Variants in FBLN7 observed in about 807,000 individuals in gnomAD.
FBLN7 encodes the protein fibulin 7.
In FBLN7, 31 loss-of-function variants were observed where a neutral mutation model predicts 44.0. The observed-to-expected ratio is 0.70, with a 90% CI of 0.53 to 0.95. The LOEUF (loss-of-function observed/expected upper bound fraction) is 0.95. FBLN7 is among the 40% of genes least tolerant of loss of function. The probability of loss-of-function intolerance (pLI) is 0.00; values close to 1 mark genes in which losing one functional copy is unlikely to be tolerated. For synonymous variants in FBLN7, 262 were observed against 253.4 expected (o/e 1.03, Z -0.32); for missense variants, 573 against 618.5 (o/e 0.93, Z 0.78).
chr2:112,199,969 G>A, the FBLN7 span, among the ~76,000 whole-genome samples: 5 of 152,150 alleles, frequency 3.3e-5, no homozygotes, highest in African/African-American at 7.2e-5. Context: ...GAACTTCCCA[G>A]CCTCCAGAAC....
At chr2:112,167,869 C>CATTAT (rs1553476212) in intron 3 of FBLN7, among the ~76,000 whole-genome samples, 1 of 132,826 alleles carries the variant, frequency 7.5e-6, no homozygotes. Context: ...AGGAAAGACA[C>CATTAT]GTTATGTTAT....
Position 112,175,803 on chromosome 2 carries a change from A to G in FBLN7, c.496A>G (p.Arg166Gly). The G allele has an allele frequency of 6.2e-7, 1 of 1,614,182 alleles. No individual in the cohort carries two copies. The highest frequency in any genetic ancestry group is 8.5e-7 in the Non-Finnish European group (1 of 1,180,016). ...NQYRCICPPG[R>G]TGNRCQHQAQ... ...GTACAGATGCATTTGTCCTCCAGGA[A>G]GGACTGGGAACCGCTGTCAGCATCA... The change falls in exon 4 of 8, where the codon AGG becomes GGG. Residue 166 changes from arginine (R) to glycine (G), a missense_variant. By Grantham distance (125) the Arg-to-Gly change is moderately radical. Coordinates refer to ENST00000331203, the MANE Select transcript of FBLN7 (RefSeq NM_153214.3).
chr2:112,175,922 A>G, intron 4 of FBLN7, 83 bp downstream of exon 4: 1 of 1,517,868 alleles, frequency 6.6e-7, no homozygotes, highest in East Asian at 2.3e-5. Context: ...AAATGCAGAC[A>G]TGTAGGGAGC....
the FBLN7 span, among the ~76,000 whole-genome samples, chr2:112,229,353 T>C: frequency 6.6e-6 from 1 of 152,202 alleles, no homozygotes; most frequent in Non-Finnish European, 1.5e-5. Flanking sequence ...AGAGTTACAG[T>C]TATACTCTTT....
chr2:112,242,787 T>C, the FBLN7 span, among the ~76,000 whole-genome samples: 1 of 152,216 alleles, frequency 6.6e-6, no homozygotes, highest in African/African-American at 2.4e-5. Context: ...AGCTCTCTTC[T>C]GATTAAAATT....
At chr2:112,218,360 G>GC in the FBLN7 span, among the ~76,000 whole-genome samples, 1 of 152,132 alleles carries the variant, frequency 6.6e-6, no homozygotes, top group Non-Finnish European at 1.5e-5. Context: ...TCTTCTAGTG[G>GC]AAATGCCTCT....
chr2:112,179,410 C>T (rs1240070940), intron 4 of FBLN7, among the ~76,000 whole-genome samples: 1 of 152,128 alleles, frequency 6.6e-6, no homozygotes, highest in Non-Finnish European at 1.5e-5. Flanking sequence ...AAAATGGCTA[C>T]ACTGCCCAAA....
chr2:112,178,964 C>T (rs909912823), intron 4 of FBLN7, among the ~76,000 whole-genome samples: 16 of 152,116 alleles, frequency 1.1e-4, no homozygotes, highest in Non-Finnish European at 1.8e-4. Context: ...TTCTATTCAA[C>T]GTAGTATTGG....
the FBLN7 span, among the ~76,000 whole-genome samples, chr2:112,219,712 T>A: frequency 7.9e-5 from 12 of 152,032 alleles, no homozygotes; most frequent in African/African-American, 2.9e-4. Context: ...TTTTAGAGTA[T>A]GTGTTATGTG....
At chr2:112,173,893 T>C (rs1459783218) in intron 3 of FBLN7, among the ~76,000 whole-genome samples, 2 of 152,180 alleles carry the variant, frequency 1.3e-5, no homozygotes, top group Non-Finnish European at 2.9e-5. Flanking sequence ...TGTCTAGAAA[T>C]GAATACACTG....
chr2:112,187,571 C>T lies in FBLN7; in HGVS notation c.*65C>T, dbSNP rs755707859. The T allele has an allele frequency of 4.2e-5, 66 of 1,568,854 alleles. No individual in the cohort carries two copies. The highest frequency in any genetic ancestry group is 3.0e-4 in the Admixed American group (17 of 57,344). ...TTTCTCTTCCCCGAAGGCTCAGCTTCGGGCACCGACTGCGTGGAGCCTCCC... is the reference window on the plus strand; with the variant it reads ...TTTCTCTTCCCCGAAGGCTCAGCTTTGGGCACCGACTGCGTGGAGCCTCCC... On this transcript the variant is annotated 3_prime_UTR_variant, in exon 8 of 8. Transcript: ENST00000331203. This position sits in a 1 kb window ranked among gnomAD's most constrained non-coding sequence, Gnocchi z 5.1.
chr2:112,209,975 TTG>T, the FBLN7 span, among the ~76,000 whole-genome samples: 6 of 151,750 alleles, frequency 4.0e-5, no homozygotes, highest in South Asian at 1.3e-3. Context: ...TGAGAGATGT[TTG>T]TGTGGGGAGT....
Position 112,159,685 on chromosome 2 carries a change from A to T in FBLN7, c.85A>T (p.Ser29Cys), listed in dbSNP as rs1257812992. 1 of 1,558,154 alleles carries T rather than the reference A, an allele frequency of 6.4e-7. No individual in the cohort carries two copies. Among genetic ancestry groups the T allele is most frequent in the African/African-American group, 1.4e-5 (1 of 71,642 alleles). ...PEPRASQNCLSKQQLLSAIRQ... is the reference protein window; with the variant it reads ...PEPRASQNCLCKQQLLSAIRQ... ...TGTCTTCTCTCCGCAGAACTGTCTC[A>T]GCAAACAGCAGCTCCTCTCGGCCAT... The change falls in exon 2 of 8, where the codon AGC (serine) becomes TGC (cysteine). Residue 29 changes from serine (S) to cysteine (C), a missense_variant. Coordinates refer to ENST00000331203, the MANE Select transcript of FBLN7 (RefSeq NM_153214.3).
the FBLN7 span, among the ~76,000 whole-genome samples, chr2:112,197,160 T>C: frequency 4.0e-5 from 6 of 151,026 alleles, no homozygotes; most frequent in African/African-American, 1.5e-4. Flanking sequence ...GTGATGTTAT[T>C]TAGTAATAAT....
In FBLN7 at chr2:112,159,840, G is replaced by GT; in HGVS notation, c.235+6dup. ...TGGGCCCAGATGCCCTTCCAGGTGG[G>GT]TCCCCACGTCGGCACCGCTGGGGCG... On this transcript the variant is annotated splice_donor_region_variant and intron_variant, in intron 2 of 7. Coordinates refer to ENST00000331203, the MANE Select transcript of FBLN7 (RefSeq NM_153214.3). The GT allele has an allele frequency of 6.6e-7, 1 of 1,525,704 alleles. No individual in the cohort carries two copies. The highest frequency in any genetic ancestry group is 8.8e-7 in the Non-Finnish European group (1 of 1,137,460). The allele number at this position is 1,525,704 out of a possible 1,614,324, so 94.5% of individuals were successfully genotyped here.
chr2:112,164,111 C>T (rs1682013527), intron 2 of FBLN7, among the ~76,000 whole-genome samples: 1 of 152,216 alleles, frequency 6.6e-6, no homozygotes, highest in East Asian at 1.9e-4. Context: ...CTTATTATCT[C>T]CCCTGCTAGA....
At chr2:112,189,511 A>G (rs1683413102), downstream of FBLN7, 1 of 152,106 alleles carries the variant, frequency 6.6e-6, no homozygotes, top group Non-Finnish European at 1.5e-5. Context: ...ACTCTCCTCT[A>G]TGGAATCAAC....
At chr2:112,241,006 G>GTT in the FBLN7 span, among the ~76,000 whole-genome samples, 1 of 129,390 alleles carries the variant, frequency 7.7e-6, no homozygotes, top group Non-Finnish European at 1.7e-5. Context: ...TGTGTGTTGT[G>GTT]TTTTGTGTGT....
chr2:112,231,368 G>C, the FBLN7 span, among the ~76,000 whole-genome samples: 1 of 152,120 alleles, frequency 6.6e-6, no homozygotes, highest in Non-Finnish European at 1.5e-5. Flanking sequence ...CATGAGAAAT[G>C]AAAGAATACA....
Sources: gnomAD v4.1 joint callset for allele counts (sites outside exome capture counted in the v4.1 genomes callset) on GRCh38, gnomAD v4.1.1 for gene constraint, Gnocchi (gnomAD v3.1) non-coding constraint, MANE v1.5 for transcripts, NCBI Gene and HGNC (gene_info 2026-07-23, HGNC 2026-07-21) for gene names.